Variants in PCDH7 observed in about 807,000 individuals in gnomAD.
PCDH7 encodes protocadherin-7.
Under a neutral mutation model 58.9 loss-of-function variants are expected in PCDH7, and 17 were observed. The observed-to-expected ratio is 0.29, with a 90% confidence interval of 0.20 to 0.43. The LOEUF (loss-of-function observed/expected upper bound fraction) is 0.43. PCDH7 is among the 20% of genes least tolerant of loss of function. The pLI, the probability that PCDH7 is intolerant of heterozygous loss-of-function variation, is 1.00. For synonymous variants in PCDH7, 664 were observed against 616.4 expected (o/e 1.08, Z -1.14); for missense variants, 1,274 against 1,441.0 (o/e 0.88, Z 1.88).
At chr4:30,748,457 G>T (rs2109255489) in intron 1 of PCDH7, among the ~76,000 whole-genome samples, 1 of 152,274 alleles carries the variant, frequency 6.6e-6, no homozygotes. Flanking sequence ...CATGTTGGAA[G>T]GCAACACATC....
At chr4:31,059,879 G>A (rs1277210202) in intron 3 of PCDH7, among the ~76,000 whole-genome samples, 2 of 151,690 alleles carry the variant, frequency 1.3e-5, no homozygotes, top group Non-Finnish European at 3.0e-5. Context: ...TAGGCTGAAA[G>A]TAACCTTAGA....
intron 1 of PCDH7, among the ~76,000 whole-genome samples, chr4:30,792,155 T>A (rs1450406321): frequency 1.3e-5 from 2 of 152,188 alleles, no homozygotes; most frequent in Admixed American, 6.5e-5. Flanking sequence ...GTCAGTGGCT[T>A]TCATTGGAAA....
chr4:31,013,019 A>G (rs571347075), intron 3 of PCDH7, among the ~76,000 whole-genome samples: 1 of 150,130 alleles, frequency 6.7e-6, no homozygotes, highest in South Asian at 2.2e-4. Flanking sequence ...GGTCTCTACA[A>G]AATATAAAAT....
chr4:30,948,634 A>G (rs958199061), intron 2 of PCDH7, among the ~76,000 whole-genome samples: 1 of 152,176 alleles, frequency 6.6e-6, no homozygotes, highest in Non-Finnish European at 1.5e-5. Flanking sequence ...TATATGCTCA[A>G]TAATATCAGT....
chr4:30,952,298 T>C (rs1017956197), intron 3 of PCDH7, among the ~76,000 whole-genome samples: 1 of 151,778 alleles, frequency 6.6e-6, no homozygotes, highest in Admixed American at 6.6e-5. Flanking sequence ...AAGAAGAAAA[T>C]TTAACCAAAT....
intron 3 of PCDH7, among the ~76,000 whole-genome samples, chr4:31,100,767 A>G (rs183080817): frequency 6.6e-6 from 1 of 152,308 alleles, no homozygotes; most frequent in Admixed American, 6.5e-5. Context: ...AGGGAAAGAG[A>G]ACTGTGGCCT....
intron 1 of PCDH7, among the ~76,000 whole-genome samples, chr4:30,839,181 C>A (rs111567587): frequency 0.026 from 3,922 of 151,856 alleles, 72 homozygotes; most frequent in Middle Eastern, 0.058. Context: ...TATACTCTCT[C>A]TATATATATG....
intron 1 of PCDH7, among the ~76,000 whole-genome samples, chr4:30,907,435 G>T (rs1741103577): frequency 6.6e-6 from 1 of 152,134 alleles, no homozygotes; most frequent in African/African-American, 2.4e-5. Context: ...CAAAAAGTGG[G>T]CAAAGAATAT....
At chr4:31,004,814 A>T (rs1464238444) in intron 3 of PCDH7, among the ~76,000 whole-genome samples, 1 of 152,164 alleles carries the variant, frequency 6.6e-6, no homozygotes, top group Non-Finnish European at 1.5e-5. Flanking sequence ...CTTTTTAAAG[A>T]TGAGAAAACA....
intron 3 of PCDH7, among the ~76,000 whole-genome samples, chr4:31,054,337 A>G (rs184539645): frequency 6.6e-6 from 1 of 152,344 alleles, no homozygotes; most frequent in East Asian, 1.9e-4. Flanking sequence ...AGCAGCCACA[A>G]CAAATTTAAC....
intron 1 of PCDH7, among the ~76,000 whole-genome samples, chr4:30,768,279 A>ATCCAAGGAGTATGCATACATCT: frequency 6.9e-6 from 1 of 144,176 alleles, no homozygotes; most frequent in African/African-American, 2.6e-5. Flanking sequence ...ATATTGGCTA[A>ATCCAAGGAGTATGCATACATCT]TCCAAGTAGT....
At chr4:30,881,980 A>G (rs1737028839) in intron 1 of PCDH7, among the ~76,000 whole-genome samples, 1 of 152,138 alleles carries the variant, frequency 6.6e-6, no homozygotes, top group Admixed American at 6.6e-5. Context: ...AAAGGCTACC[A>G]AGTGTGAAAC....
At chr4:30,921,739 T>C (rs1444177143) in intron 2 of PCDH7, among the ~76,000 whole-genome samples, 4 of 152,018 alleles carry the variant, frequency 2.6e-5, no homozygotes, top group Non-Finnish European at 5.9e-5. Flanking sequence ...ACATTTTTTT[T>C]AGTAATTTTT....
chr4:31,125,017 G>T (rs897280137), intron 3 of PCDH7, among the ~76,000 whole-genome samples: 7 of 152,160 alleles, frequency 4.6e-5, no homozygotes, highest in Admixed American at 6.6e-5. Context: ...CCTCATAAAT[G>T]AGTGGTCTTC....
At chr4:31,104,925 A>G (rs890890431) in intron 3 of PCDH7, among the ~76,000 whole-genome samples, 24 of 152,318 alleles carry the variant, frequency 1.6e-4, no homozygotes, top group African/African-American at 5.3e-4. Context: ...TATAGGTGGT[A>G]AAAGGGTTGG....
rs569860609 is a variant in PCDH7, at chr4:31,057,196, A to G, written c.*8-85277A>G. ...TTCATAAGTAGAAAAGCTTAGTCAT[A>G]TTATATTTTCCTCTCTTCTTCTACA... On this transcript the variant is annotated intron_variant, in intron 3 of 3. Transcript: ENST00000509759. Among the ~76,000 whole-genome samples the G allele has an allele frequency of 9.2e-5, 14 of 152,264 alleles. No individual in the cohort carries two copies. In the South Asian group the frequency reaches 2.7e-3, roughly 29 times the overall value.
At chr4:30,755,517 A>G (rs1719177296) in intron 1 of PCDH7, among the ~76,000 whole-genome samples, 1 of 152,144 alleles carries the variant, frequency 6.6e-6, no homozygotes, top group Admixed American at 6.5e-5. Flanking sequence ...TTCTCAACAA[A>G]TACTTCTATA....
At chr4:30,787,332 T>C (rs112278153) in intron 1 of PCDH7, among the ~76,000 whole-genome samples, 28 of 152,134 alleles carry the variant, frequency 1.8e-4, no homozygotes, top group African/African-American at 6.0e-4. Context: ...AGGATTGAAA[T>C]CCGAGAAAAT....
chr4:30,900,549 G>T (rs1214172371), intron 1 of PCDH7, among the ~76,000 whole-genome samples: 1 of 152,162 alleles, frequency 6.6e-6, no homozygotes, highest in African/African-American at 2.4e-5. Context: ...CATCTAAAAG[G>T]TAATACATCA....
Sources: gnomAD v4.1 joint callset for allele counts (sites outside exome capture counted in the v4.1 genomes callset) on GRCh38, gnomAD v4.1.1 for gene constraint, MANE v1.5 for transcripts, NCBI Gene and HGNC (gene_info 2026-07-23, HGNC 2026-07-21) for gene names.